The following NHS variants were observed in gnomAD, a reference collection of about 807,000 sequenced individuals.
NHS encodes actin remodeling regulator NHS.
NHS carries 5 observed loss-of-function variants against 72.5 expected under a neutral mutation model. The ratio of observed to expected loss-of-function variants is 0.07; its 90% CI spans 0.04 to 0.14. The LOEUF is 0.14. NHS is among the 10% of genes least tolerant of loss of function. The pLI is 1.00. For missense variants in NHS, 1,072 were observed against 1,355.7 expected (o/e 0.79, Z 3.29); for synonymous variants, 464 against 547.7 (o/e 0.85, Z 2.13).
intron 3 of NHS, among the ~76,000 whole-genome samples, chrX:17,704,584 C>T (rs374954987): frequency 3.7e-4 from 41 of 111,444 alleles, no homozygotes; most frequent in South Asian, 1.1e-3. Flanking sequence ...AGGCGTGAGC[C>T]GCCACGCCCG....
chrX:17,519,736 T>C (rs1381389697), intron 1 of NHS, among the ~76,000 whole-genome samples: 1 of 111,797 alleles, frequency 8.9e-6, no homozygotes, highest in East Asian at 2.8e-4. Flanking sequence ...CGTATTTCTT[T>C]GTGGTTTAGG....
chrX:17,545,330 A>C (rs188258771), intron 1 of NHS, among the ~76,000 whole-genome samples: 1 of 112,131 alleles, frequency 8.9e-6, no homozygotes, highest in African/African-American at 3.2e-5. Flanking sequence ...TCCCATTTCA[A>C]CGTTTTCTGT....
intron 1 of NHS, among the ~76,000 whole-genome samples, chrX:17,506,565 A>AAG (rs1555999268): frequency 1.7e-4 from 17 of 101,880 alleles, no homozygotes; most frequent in Admixed American, 4.3e-4. Flanking sequence ...AAATAAATAA[A>AAG]TAAGTAAATA....
At chrX:17,597,767 G>T (rs1476587300) in intron 1 of NHS, among the ~76,000 whole-genome samples, 1 of 110,772 alleles carries the variant, frequency 9.0e-6, no homozygotes, top group Non-Finnish European at 1.9e-5. Flanking sequence ...AAAGTAACAG[G>T]GAGAGGAAGA....
chrX:17,657,290 G>C (rs1259590846), intron 1 of NHS, among the ~76,000 whole-genome samples: 1 of 113,212 alleles, frequency 8.8e-6, no homozygotes, highest in Non-Finnish European at 1.9e-5. Context: ...ACAGTGTTTT[G>C]CCATACTGTG....
chrX:17,425,184 G>A (rs943175092), intron 1 of NHS, among the ~76,000 whole-genome samples: 3 of 111,739 alleles, frequency 2.7e-5, no homozygotes, highest in Non-Finnish European at 5.6e-5. Context: ...TCTCTTCAAA[G>A]CCCTCTTGGC....
At chrX:17,598,551 A>G (rs1013827713) in intron 1 of NHS, among the ~76,000 whole-genome samples, 6 of 111,713 alleles carry the variant, frequency 5.4e-5, no homozygotes, top group African/African-American at 2.0e-4. Flanking sequence ...GATTGTCACA[A>G]CAACCCACAA....
intron 1 of NHS, among the ~76,000 whole-genome samples, chrX:17,464,980 C>T (rs1369528643): frequency 8.9e-6 from 1 of 112,245 alleles, no homozygotes; most frequent in East Asian, 2.8e-4. Context: ...GCTGGCAATA[C>T]ATGGACACTG....
intron 1 of NHS, among the ~76,000 whole-genome samples, chrX:17,561,908 A>G (rs1236154364): frequency 9.1e-6 from 1 of 109,657 alleles, no homozygotes; most frequent in African/African-American, 3.3e-5. Context: ...TTGGAGGATG[A>G]TATGAGGGAT....
intron 1 of NHS, among the ~76,000 whole-genome samples, chrX:17,446,173 C>CT (rs2064778814): frequency 9.0e-6 from 1 of 110,784 alleles, no homozygotes; most frequent in Admixed American, 9.6e-5. Flanking sequence ...CACGCCGCCC[C>CT]AATCCTGCTC....
At chrX:17,651,294 G>C (rs1342340363) in intron 1 of NHS, among the ~76,000 whole-genome samples, 1 of 112,333 alleles carries the variant, frequency 8.9e-6, no homozygotes, top group African/African-American at 3.2e-5. Context: ...ACCAAGGAAA[G>C]AGCATGGAAA....
chrX:17,624,252 C>T (rs1389652695), intron 1 of NHS, among the ~76,000 whole-genome samples: 1 of 112,587 alleles, frequency 8.9e-6, no homozygotes, highest in Non-Finnish European at 1.9e-5. Flanking sequence ...TCTGGTTTAC[C>T]CTTTTCTGTG....
At chrX:17,612,191 C>CTT (rs76046011) in intron 1 of NHS, among the ~76,000 whole-genome samples, 2 of 97,894 alleles carry the variant, frequency 2.0e-5, no homozygotes, top group African/African-American at 7.9e-5. Flanking sequence ...TTCCTCATGA[C>CTT]TTTTTTTTTT....
chrX:17,574,325 G>A (rs915113258), intron 1 of NHS, among the ~76,000 whole-genome samples: 2 of 112,302 alleles, frequency 1.8e-5, no homozygotes, highest in Non-Finnish European at 3.8e-5. Flanking sequence ...GCTGAGCTGC[G>A]GTGGGCTCTG....
At chrX:17,616,998 G>A in intron 1 of NHS, among the ~76,000 whole-genome samples, 1 of 112,036 alleles carries the variant, frequency 8.9e-6, no homozygotes, top group African/African-American at 3.2e-5. Flanking sequence ...AAGTGTGACA[G>A]GGATAGTTAT....
intron 1 of NHS, among the ~76,000 whole-genome samples, chrX:17,662,637 G>T (rs946121825): frequency 8.9e-6 from 1 of 111,942 alleles, no homozygotes; most frequent in Non-Finnish European, 1.9e-5. Flanking sequence ...GTGGTTCAGC[G>T]CTCTTATCTA....
rs199736879 is a variant in NHS, at chrX:17,537,924, A to T, written c.566-149818A>T. Among the ~76,000 whole-genome samples the T allele has an allele frequency of 6.3e-5, 7 of 111,635 alleles. No individual in the cohort carries two copies. The East Asian group carries it at 2.0e-3, about 32-fold the overall frequency. ...GAGCAGATGGGGATCAGAGGGGAAAACAAAAGGGAAGCTGTTCCCAGCACA... is the reference window on the plus strand; with the variant it reads ...GAGCAGATGGGGATCAGAGGGGAAATCAAAAGGGAAGCTGTTCCCAGCACA... On this transcript the variant is annotated intron_variant, in intron 1 of 8. Transcript: ENST00000676302.
chrX:17,667,939 AT>A (rs11461851), intron 1 of NHS, among the ~76,000 whole-genome samples: 3 of 106,199 alleles, frequency 2.8e-5, no homozygotes, highest in South Asian at 4.2e-4. Flanking sequence ...TCTGCCTCAC[AT>A]TTTTTTTTCC....
At chrX:17,701,760 C>A (rs942827919) in intron 3 of NHS, among the ~76,000 whole-genome samples, 15 of 110,890 alleles carry the variant, frequency 1.4e-4, no homozygotes, top group Non-Finnish European at 2.5e-4. Flanking sequence ...TACTCTTATG[C>A]AGCTCAGTTC....
Sources: allele counts gnomAD v4.1 joint callset (sites outside exome capture counted in the v4.1 genomes callset), GRCh38; gene constraint gnomAD v4.1.1; transcripts MANE v1.5; gene names NCBI Gene and HGNC (gene_info 2026-07-23, HGNC 2026-07-21).